Variants in SHANK2 observed in about 807,000 individuals in gnomAD.
SHANK2 encodes SH3 and multiple ankyrin repeat domains 2, also known as SH3 and multiple ankyrin repeat domains protein 2.
SHANK2 carries 43 observed loss-of-function variants against 133.7 expected under a neutral mutation model. The ratio of observed to expected loss-of-function variants is 0.32; its 90% CI spans 0.25 to 0.41. The LOEUF (loss-of-function observed/expected upper bound fraction) is 0.41. Among genes scored for constraint, SHANK2 ranks in the 10% least tolerant of loss-of-function variants. The probability of loss-of-function intolerance (pLI) is 1.00; values close to 1 mark genes in which losing one functional copy is unlikely to be tolerated. For synonymous variants in SHANK2, 1,017 were observed against 952.8 expected (o/e 1.07, Z -1.24); for missense variants, 1,994 against 2,235.8 (o/e 0.89, Z 2.18).
At chr11:70,483,117 C>T (rs2058757525) in intron 25 of SHANK2, among the ~76,000 whole-genome samples, 1 of 152,170 alleles carries the variant, frequency 6.6e-6, no homozygotes, top group Non-Finnish European at 1.5e-5. Context: ...CAGCTCCTTC[C>T]TTACTGCAGA....
chr11:70,546,967 C>T (rs2136061076), intron 17 of SHANK2, among the ~76,000 whole-genome samples: 1 of 152,276 alleles, frequency 6.6e-6, no homozygotes, highest in African/African-American at 2.4e-5. Flanking sequence ...AGCAAGAACT[C>T]CCGACCCTGG....
intron 10 of SHANK2, among the ~76,000 whole-genome samples, chr11:70,912,982 G>C (rs79534493): frequency 1.3e-5 from 2 of 151,582 alleles, no homozygotes; most frequent in Non-Finnish European, 2.9e-5. Context: ...TCAGTTCTCT[G>C]GACTTATCAA....
At chr11:70,586,251 G>A (rs188192416) in intron 17 of SHANK2, among the ~76,000 whole-genome samples, 2 of 152,306 alleles carry the variant, frequency 1.3e-5, no homozygotes, top group East Asian at 1.9e-4. Flanking sequence ...TGAGGAAAGA[G>A]AGCTGTGAGG....
At chr11:71,216,890 C>T (rs1162620904) in intron 2 of SHANK2, among the ~76,000 whole-genome samples, 1 of 152,130 alleles carries the variant, frequency 6.6e-6, no homozygotes, top group African/African-American at 2.4e-5. Context: ...AGAGTATATG[C>T]CTTCTACTTA....
In SHANK2 at chr11:70,598,637, T is replaced by C. The variant is rs143335051; in HGVS notation, c.2061+61191A>G. ...CAGAAAGGAAAATTACAGACAAATCTCACTCATGACCTTGGATGCAAAAAT... is the reference window on the plus strand; with the variant it reads ...CAGAAAGGAAAATTACAGACAAATCCCACTCATGACCTTGGATGCAAAAAT... On this transcript the variant is annotated intron_variant, in intron 17 of 25. Coordinates refer to ENST00000601538, the MANE Select transcript of SHANK2 (RefSeq NM_012309.5). Among the ~76,000 whole-genome samples the C allele has an allele frequency of 3.1e-3, 471 of 152,268 alleles. 3 individuals are homozygous for C. Among genetic ancestry groups the C allele is most frequent in the African/African-American group, 0.011 (456 of 41,546 alleles).
At chr11:71,154,471 G>A (rs1194886447) in intron 2 of SHANK2, among the ~76,000 whole-genome samples, 5 of 152,222 alleles carry the variant, frequency 3.3e-5, no homozygotes, top group Admixed American at 1.3e-4. Context: ...AGAAAGGCAC[G>A]CTGGCTTCCT....
At chr11:70,931,846 T>G (rs1950508630) in intron 10 of SHANK2, among the ~76,000 whole-genome samples, 1 of 152,242 alleles carries the variant, frequency 6.6e-6, no homozygotes, top group Non-Finnish European at 1.5e-5. Flanking sequence ...CGACGCTTAT[T>G]ATTTTTCCAA....
At chr11:70,489,096 T>C (rs1555155091) in intron 24 of SHANK2, 2 of 549,144 alleles carry the variant, frequency 3.6e-6, no homozygotes. Flanking sequence ...CAATAATTTA[T>C]TCCAATGAAA....
At chr11:70,799,370 C>G (rs1487465940) in intron 13 of SHANK2, among the ~76,000 whole-genome samples, 3 of 151,456 alleles carry the variant, frequency 2.0e-5, no homozygotes, top group Admixed American at 1.3e-4. Context: ...CCACTGCACT[C>G]ACAGCCTGGG....
intron 2 of SHANK2, among the ~76,000 whole-genome samples, chr11:71,190,318 T>G (rs1348188558): frequency 6.6e-6 from 1 of 152,214 alleles, no homozygotes; most frequent in Non-Finnish European, 1.5e-5. Context: ...CTTTCGCTTC[T>G]TGTGTTCTCC....
intron 17 of SHANK2, among the ~76,000 whole-genome samples, chr11:70,560,657 G>A (rs1386923303): frequency 6.6e-6 from 1 of 151,550 alleles, no homozygotes; most frequent in Non-Finnish European, 1.5e-5. Flanking sequence ...TTTGAGACTG[G>A]GTCTTGCTCT....
chr11:71,207,290 T>C (rs1228984330), intron 2 of SHANK2, among the ~76,000 whole-genome samples: 1 of 151,370 alleles, frequency 6.6e-6, no homozygotes, highest in African/African-American at 2.4e-5. Flanking sequence ...AGTGATTCTC[T>C]GGCCTCAGCC....
intron 2 of SHANK2, among the ~76,000 whole-genome samples, chr11:71,189,246 C>T (rs1555114967): frequency 1.3e-5 from 2 of 152,246 alleles, no homozygotes; most frequent in African/African-American, 4.8e-5. Flanking sequence ...AGACCCCGTT[C>T]TGTTCCATTT....
intron 14 of SHANK2, among the ~76,000 whole-genome samples, chr11:70,738,901 C>G (rs1459606684): frequency 2.6e-5 from 4 of 152,210 alleles, no homozygotes; most frequent in Non-Finnish European, 5.9e-5. Context: ...CTGCCCCCCT[C>G]GAATGGAGAT....
At chr11:70,498,767 G>GCACAGTTCTGGAGGCTGGA (rs1555157683) in intron 21 of SHANK2, among the ~76,000 whole-genome samples, 1 of 152,168 alleles carries the variant, frequency 6.6e-6, no homozygotes, top group Non-Finnish European at 1.5e-5. Context: ...ACGTATCCCT[G>GCACAGTTCTGGAGGCTGGA]CACAGTTCTG....
Position 70,472,943 on chromosome 11 carries a change from T to C in SHANK2, c.5476A>G (p.Ile1826Val), listed in dbSNP as rs1309811401. Residue 1826 changes from isoleucine (I) to valine (V), a missense_variant, in exon 26 of 26, where the codon ATC becomes GTC. Physicochemically the swap from Ile to Val is conservative, Grantham distance 29. This residue lies in a region of SHANK2 where 42 missense variants were observed against 79.9 expected (regional missense o/e 0.53). Coordinates refer to ENST00000601538, the MANE Select transcript of SHANK2 (RefSeq NM_012309.5). This position sits in a 1 kb window ranked among gnomAD's most constrained non-coding sequence, Gnocchi z 4.4. ...HLPNLQKEDL[I>V]DLGVTRVGHR... The stretch of plus-strand genomic sequence containing the variant: ...CCGACTCGAGTTACCCCAAGATCGA[T>C]GAGGTCCTCCTTCTGCAGGTTTGGT... The C allele has an allele frequency of 1.9e-6, 3 of 1,613,808 alleles. No homozygotes were observed. The highest frequency in any genetic ancestry group is 2.2e-5 in the East Asian group (1 of 44,888).
intron 9 of SHANK2, among the ~76,000 whole-genome samples, chr11:71,064,498 G>A (rs1951022987): frequency 6.6e-6 from 1 of 152,180 alleles, no homozygotes; most frequent in Non-Finnish European, 1.5e-5. Flanking sequence ...CAGGACACAA[G>A]CCCTGGGTTA....
At chr11:71,167,617 C>A (rs1193013641) in intron 2 of SHANK2, among the ~76,000 whole-genome samples, 1 of 144,562 alleles carries the variant, frequency 6.9e-6, no homozygotes, top group Admixed American at 6.8e-5. Flanking sequence ...TAGGGGCGGC[C>A]GGGAAGAGGC....
chr11:70,482,626 G>A (rs1369701756), intron 25 of SHANK2, among the ~76,000 whole-genome samples: 5 of 152,200 alleles, frequency 3.3e-5, no homozygotes, highest in East Asian at 1.9e-4. Context: ...CAGGGGTGCC[G>A]TGGAATGTAG....
Sources: allele counts gnomAD v4.1 joint callset (sites outside exome capture counted in the v4.1 genomes callset), GRCh38; gene constraint gnomAD v4.1.1; regional missense constraint gnomAD v4.1.1; non-coding constraint Gnocchi (gnomAD v3.1); transcripts MANE v1.5; gene names NCBI Gene and HGNC (gene_info 2026-07-23, HGNC 2026-07-21).